The following WWOX variants were observed in gnomAD, a reference collection of about 807,000 sequenced individuals.
The protein encoded by WWOX is WW domain-containing oxidoreductase.
In WWOX, 69 loss-of-function variants were observed where a neutral mutation model predicts 46.2. The ratio of observed to expected loss-of-function variants is 1.49; its 90% confidence interval spans 1.23 to 1.82. The LOEUF is 1.82. WWOX is among the 40% of genes most tolerant of loss of function. The pLI is 0.00. For missense variants in WWOX, 919 were observed against 542.6 expected (o/e 1.69, Z -6.89); for synonymous variants, 359 against 202.6 (o/e 1.77, Z -6.56).
chr16:78,991,476 C>T (rs1409835707), intron 8 of WWOX, among the ~76,000 whole-genome samples: 1 of 151,914 alleles, frequency 6.6e-6, no homozygotes, highest in Non-Finnish European at 1.5e-5. Context: ...TGGTGCACAC[C>T]TGTAGTCCCA....
chr16:78,983,235 C>G (rs1399756010), intron 8 of WWOX, among the ~76,000 whole-genome samples: 3 of 152,152 alleles, frequency 2.0e-5, no homozygotes, highest in Non-Finnish European at 2.9e-5. Flanking sequence ...ATTGTTTATC[C>G]TGAAATGAAT....
chr16:78,549,476 G>A (rs1377077838), intron 8 of WWOX, among the ~76,000 whole-genome samples: 1 of 152,108 alleles, frequency 6.6e-6, no homozygotes, highest in Non-Finnish European at 1.5e-5. Context: ...ATGATATGCG[G>A]TTCAGAGAAA....
chr16:78,983,843 A>G (rs1244871662), intron 8 of WWOX, among the ~76,000 whole-genome samples: 1 of 150,052 alleles, frequency 6.7e-6, no homozygotes, highest in African/African-American at 2.4e-5. Flanking sequence ...GGACTGGTGA[A>G]GCAGTCCATC....
At chr16:78,389,289 C>A (rs914975909) in intron 6 of WWOX, among the ~76,000 whole-genome samples, 2 of 152,194 alleles carry the variant, frequency 1.3e-5, no homozygotes, top group African/African-American at 2.4e-5. Context: ...CATTTATCCA[C>A]CCGTTCCTTC....
intron 8 of WWOX, among the ~76,000 whole-genome samples, chr16:78,729,777 C>T (rs2048924619): frequency 6.6e-6 from 1 of 152,222 alleles, no homozygotes; most frequent in African/African-American, 2.4e-5. Context: ...AGTCCCTCAG[C>T]TGCTAAGGGT....
chr16:78,493,917 G>C (rs1370952948), intron 8 of WWOX, among the ~76,000 whole-genome samples: 1 of 152,202 alleles, frequency 6.6e-6, no homozygotes, highest in African/African-American at 2.4e-5. Flanking sequence ...GTAGAGCAAT[G>C]ATTCCAGAAG....
chr16:78,121,119 C>A lies in WWOX; in HGVS notation c.409+5965C>A, dbSNP rs77474513. On this transcript the variant is annotated intron_variant, in intron 4 of 8. Transcript: ENST00000566780. ...GATCTTGAAATGCCTGATTAGTTTC[C>A]TTTCTGATTGTTGACCAGACTTAAA... 5.8e-3 allele frequency among the ~76,000 whole-genome samples: 880 copies of A among 152,182 alleles called. 15 individuals carry two copies. Among genetic ancestry groups the A allele is most frequent in the African/African-American group, 0.02 (816 of 41,524 alleles).
chr16:78,868,097 A>G (rs2044045845), intron 8 of WWOX, among the ~76,000 whole-genome samples: 1 of 152,226 alleles, frequency 6.6e-6, no homozygotes, highest in African/African-American at 2.4e-5. Flanking sequence ...TAGCAGCATC[A>G]TCCATGATAG....
At chr16:78,904,857 C>T (rs1469216451) in intron 8 of WWOX, among the ~76,000 whole-genome samples, 2 of 152,066 alleles carry the variant, frequency 1.3e-5, no homozygotes, top group African/African-American at 4.8e-5. Context: ...AGAAAATAAC[C>T]ATTTTTTCTC....
At chr16:78,974,904 T>A (rs2046541686) in intron 8 of WWOX, among the ~76,000 whole-genome samples, 1 of 152,094 alleles carries the variant, frequency 6.6e-6, no homozygotes, top group Admixed American at 6.6e-5. Context: ...CAGCTGCAAG[T>A]CAGGGTCCAC....
chr16:78,858,721 C>T (rs2052629837), intron 8 of WWOX, among the ~76,000 whole-genome samples: 1 of 151,590 alleles, frequency 6.6e-6, no homozygotes, highest in South Asian at 2.1e-4. Context: ...ACTTCATCAC[C>T]CATTCTGTAG....
chr16:78,557,607 C>A (rs1462941399), intron 8 of WWOX, among the ~76,000 whole-genome samples: 1 of 151,766 alleles, frequency 6.6e-6, no homozygotes, highest in Non-Finnish European at 1.5e-5. Context: ...TCTATCACAG[C>A]CTTTGCTAAA....
intron 8 of WWOX, among the ~76,000 whole-genome samples, chr16:78,438,236 C>A (rs1409794112): frequency 6.6e-6 from 1 of 152,122 alleles, no homozygotes; most frequent in East Asian, 1.9e-4. Context: ...GAATTATTAT[C>A]TTTATTTTGT....
At chr16:78,373,186 A>T (rs2081735260) in intron 5 of WWOX, among the ~76,000 whole-genome samples, 1 of 152,090 alleles carries the variant, frequency 6.6e-6, no homozygotes, top group South Asian at 2.1e-4. Context: ...TCTTCCCTAG[A>T]GCTTCAGACT....
intron 8 of WWOX, among the ~76,000 whole-genome samples, chr16:78,940,701 A>T (rs2045834810): frequency 7.0e-6 from 1 of 143,664 alleles, no homozygotes. Context: ...CTTTTGAATG[A>T]CCACAAAGCA....
At chr16:78,525,015 G>A (rs1330631208) in intron 8 of WWOX, among the ~76,000 whole-genome samples, 28 of 150,782 alleles carry the variant, frequency 1.9e-4, no homozygotes, top group African/African-American at 6.6e-4. Flanking sequence ...ACGGGCTCAT[G>A]CCACCACACT....
At chr16:79,136,319 C>T (rs2049980908) in intron 8 of WWOX, among the ~76,000 whole-genome samples, 1 of 151,768 alleles carries the variant, frequency 6.6e-6, no homozygotes, top group Non-Finnish European at 1.5e-5. Flanking sequence ...CAACATTTGA[C>T]TCCCTGGTTC....
At chr16:78,123,412 CTA>C (rs2033189718) in intron 4 of WWOX, 1 of 125,728 alleles carries the variant, frequency 8.0e-6, no homozygotes, top group African/African-American at 2.9e-5. Flanking sequence ...CTTGGTGACC[CTA>C]TGTTTTTTTC....
intron 8 of WWOX, among the ~76,000 whole-genome samples, chr16:78,893,487 C>T (rs1465028675): frequency 6.6e-6 from 1 of 152,150 alleles, no homozygotes; most frequent in African/African-American, 2.4e-5. Context: ...AGAACAAGTG[C>T]CTGAAATAGA....
Sources: gnomAD v4.1 joint callset for allele counts (sites outside exome capture counted in the v4.1 genomes callset) on GRCh38, gnomAD v4.1.1 for gene constraint, MANE v1.5 for transcripts, NCBI Gene and HGNC (gene_info 2026-07-23, HGNC 2026-07-21) for gene names.